The following TMTC2 variants were observed in gnomAD, a reference collection of about 807,000 sequenced individuals.
TMTC2 encodes the protein transmembrane O-mannosyltransferase targeting cadherins 2, also known as protein O-mannosyl-transferase TMTC2.
TMTC2 carries 43 observed loss-of-function variants against 82.4 expected under a neutral mutation model. That is an observed-to-expected ratio of 0.52 (90% confidence interval 0.41 to 0.67). The LOEUF (loss-of-function observed/expected upper bound fraction) is 0.67. Ranked by LOEUF, TMTC2 falls within the 30% of genes least tolerant of loss-of-function variation. TMTC2 has a pLI of 0.00. For missense variants in TMTC2, 919 were observed against 1,012.4 expected, an observed-to-expected ratio of 0.91 and a Z score of 1.25; for synonymous variants, 408 against 381.9, an observed-to-expected ratio of 1.07 and a Z score of -0.80.
chr12:83,094,579 G>A (rs1052848297), intron 11 of TMTC2, among the ~76,000 whole-genome samples: 8 of 152,180 alleles, frequency 5.3e-5, no homozygotes, highest in African/African-American at 1.9e-4. Context: ...GTGGACACGG[G>A]TTGGGCGAAG....
intron 1 of TMTC2, among the ~76,000 whole-genome samples, chr12:82,779,472 T>C (rs1404580603): frequency 1.3e-5 from 2 of 152,176 alleles, no homozygotes; most frequent in African/African-American, 2.4e-5. Context: ...CCTACCAAGA[T>C]AAACTTATGA....
intron 1 of TMTC2, among the ~76,000 whole-genome samples, chr12:82,850,866 C>T (rs1474520783): frequency 1.3e-5 from 2 of 151,074 alleles, no homozygotes; most frequent in South Asian, 4.2e-4. Context: ...GAGATGGAGA[C>T]CATCCTGGCC....
chr12:82,818,283 C>CT (rs1868868346), intron 1 of TMTC2, among the ~76,000 whole-genome samples: 1 of 151,998 alleles, frequency 6.6e-6, no homozygotes, highest in South Asian at 2.1e-4. Context: ...AGAGTAATTT[C>CT]TTTTGTCCTT....
chr12:82,968,029 T>C (rs1878293947), intron 7 of TMTC2, among the ~76,000 whole-genome samples: 1 of 152,150 alleles, frequency 6.6e-6, no homozygotes, highest in African/African-American at 2.4e-5. Context: ...ACTCACGTTC[T>C]CTTTTTTACA....
At chr12:82,808,291 T>A (rs1344311673) in intron 1 of TMTC2, among the ~76,000 whole-genome samples, 4 of 152,062 alleles carry the variant, frequency 2.6e-5, no homozygotes, top group Admixed American at 1.3e-4. Flanking sequence ...TATACATGTA[T>A]CTTAAACTTT....
chr12:82,695,603 A>C (rs1006421456), intron 1 of TMTC2, among the ~76,000 whole-genome samples: 1 of 152,176 alleles, frequency 6.6e-6, no homozygotes, highest in African/African-American at 2.4e-5. Context: ...CTTTTCTGTT[A>C]GTTGTGTCTC....
chr12:82,846,141 T>C (rs995947911), intron 1 of TMTC2, among the ~76,000 whole-genome samples: 7 of 152,000 alleles, frequency 4.6e-5, no homozygotes, highest in African/African-American at 1.5e-4. Flanking sequence ...GGCAGATCAC[T>C]TGAGGTCAGG....
chr12:82,836,928 G>A (rs1161479043), intron 1 of TMTC2, among the ~76,000 whole-genome samples: 1 of 151,968 alleles, frequency 6.6e-6, no homozygotes, highest in African/African-American at 2.4e-5. Context: ...TTTCTCCCAA[G>A]CCTACTCAAA....
Position 82,841,027 on chromosome 12 carries a change from A to G in TMTC2, c.84-15983A>G, listed in dbSNP as rs536520129. Among the ~76,000 whole-genome samples the G allele has an allele frequency of 2.0e-5, 3 of 152,144 alleles. 1 individual carries two copies. Among genetic ancestry groups the G allele is most frequent in the African/African-American group, 7.2e-5 (3 of 41,530 alleles). On this transcript the variant is annotated intron_variant, in intron 1 of 11. Coordinates refer to ENST00000321196, the MANE Select transcript of TMTC2 (RefSeq NM_152588.3). ...ACACCTGACCTCAGGTGATCCACCC[A>G]CCTCAGCCTCCCAAAATGCTAGGAT...
chr12:82,803,755 A>C (rs148042343), intron 1 of TMTC2, among the ~76,000 whole-genome samples: 1,681 of 152,196 alleles, frequency 0.011, 18 homozygotes, highest in Middle Eastern at 0.037. Flanking sequence ...TCACGGTAAA[A>C]GGGACGCAAG....
intron 11 of TMTC2, among the ~76,000 whole-genome samples, chr12:83,107,777 C>CA (rs370731001): frequency 6.6e-6 from 1 of 151,886 alleles, no homozygotes; most frequent in Admixed American, 6.6e-5. Context: ...TATGACCCCC[C>CA]GTGCCCACAA....
intron 8 of TMTC2, among the ~76,000 whole-genome samples, chr12:82,998,483 CA>C (rs1879764964): frequency 6.6e-6 from 1 of 151,960 alleles, no homozygotes. Flanking sequence ...TTCATGCTTA[CA>C]AAACCAGTCA....
At chr12:83,092,853 G>A (rs1417998917) in intron 11 of TMTC2, among the ~76,000 whole-genome samples, 4 of 152,132 alleles carry the variant, frequency 2.6e-5, no homozygotes, top group Non-Finnish European at 4.4e-5. Context: ...ATAAACCAGC[G>A]GCAAAGCTGA....
At chr12:82,924,505 T>C (rs376681224) in intron 3 of TMTC2, among the ~76,000 whole-genome samples, 1 of 152,198 alleles carries the variant, frequency 6.6e-6, no homozygotes, top group East Asian at 1.9e-4. Context: ...ATTGTGTGTG[T>C]ACAACAGGAA....
At chr12:83,038,111 G>A (rs1440890006) in intron 9 of TMTC2, among the ~76,000 whole-genome samples, 2 of 137,274 alleles carry the variant, frequency 1.5e-5, no homozygotes, top group African/African-American at 5.5e-5. Flanking sequence ...CACAGGAAGG[G>A]GAACATCACA....
intron 9 of TMTC2, among the ~76,000 whole-genome samples, chr12:83,047,399 TTTCCATCAG>T (rs1250911589): frequency 6.6e-6 from 1 of 152,232 alleles, no homozygotes; most frequent in Non-Finnish European, 1.5e-5. Context: ...ATTGCTCTAT[TTTCCATCAG>T]TTCTCGGCTA....
At chr12:83,113,284 C>T (rs1884654214) in intron 11 of TMTC2, among the ~76,000 whole-genome samples, 1 of 152,124 alleles carries the variant, frequency 6.6e-6, no homozygotes, top group African/African-American at 2.4e-5. Flanking sequence ...TATGTAAATT[C>T]AGAACTATAT....
intron 9 of TMTC2, among the ~76,000 whole-genome samples, chr12:83,042,574 C>G (rs1029010296): frequency 6.6e-6 from 1 of 152,130 alleles, no homozygotes; most frequent in Non-Finnish European, 1.5e-5. Context: ...TGTCCCTCCC[C>G]CGATTCCTTC....
chr12:83,133,809 C>A lies in TMTC2; in HGVS notation c.*1420C>A, dbSNP rs995828849. ...CACAGAGAAAGTAGCTATACTATAC[C>A]CTACATATTTATTTATTTATTATTC... is the stretch of plus-strand genomic sequence containing the variant. On this transcript the variant is annotated 3_prime_UTR_variant, in exon 12 of 12. Transcript: ENST00000321196. The A allele has an allele frequency of 2.0e-5, 3 of 152,004 alleles. No individual in the cohort carries two copies. Among genetic ancestry groups the A allele is most frequent in the African/African-American group, 7.3e-5 (3 of 41,378 alleles). 9.4% of individuals were successfully genotyped at this position (152,004 alleles called of 1,614,324 possible).
Sources: gnomAD v4.1 joint callset for allele counts (sites outside exome capture counted in the v4.1 genomes callset) on GRCh38, gnomAD v4.1.1 for gene constraint, MANE v1.5 for transcripts, NCBI Gene and HGNC (gene_info 2026-07-23, HGNC 2026-07-21) for gene names.